FAM135A: variants seen among roughly 807,000 people sequenced by gnomAD.
The protein encoded by FAM135A is family with sequence similarity 135 member A, also known as protein FAM135A.
A neutral mutation model predicts 146.8 loss-of-function variants in FAM135A; 79 were observed. The observed-to-expected ratio is 0.54, with a 90% confidence interval of 0.45 to 0.65. FAM135A has a LOEUF of 0.65. FAM135A is among the 30% of genes least tolerant of loss of function. FAM135A has a pLI of 0.00. For missense variants in FAM135A, 1,623 were observed against 1,758.2 expected, an observed-to-expected ratio of 0.92 and a Z score of 1.38; for synonymous variants, 562 against 603.6, an observed-to-expected ratio of 0.93 and a Z score of 1.01.
intron 4 of FAM135A, among the ~76,000 whole-genome samples, chr6:70,450,719 T>G (rs1248861163): frequency 3.3e-3 from 150 of 45,760 alleles, no homozygotes; most frequent in African/African-American, 0.019. Flanking sequence ...TTTAGTTGTT[T>G]TTTTTTTTTT....
chr6:70,556,519 C>T lies in FAM135A; in HGVS notation c.4229-231C>T, dbSNP rs61525869. On this transcript the variant is annotated intron_variant, in intron 20 of 21. Transcript: ENST00000418814. ...CCACACCACTGAGCAACAGTGCCTG[C>T]TCCCAGTGCAAACACACATTCTTAT... Among the ~76,000 whole-genome samples, 22 of 152,312 alleles carry T rather than the reference C, an allele frequency of 1.4e-4. No individual in the cohort carries two copies. In the East Asian group the frequency reaches 4.1e-3, roughly 28 times the overall value.
chr6:70,428,269 C>G (rs537462719), intron 3 of FAM135A, 35 bp from the exon 4 acceptor site: 4 of 1,024,380 alleles, frequency 3.9e-6, no homozygotes, highest in Middle Eastern at 2.1e-4. Flanking sequence ...ATTTTTGTTA[C>G]GCTTCTCATG....
chr6:70,503,019 A>G (rs1788923493), intron 12 of FAM135A: 5 of 329,374 alleles, frequency 1.5e-5, no homozygotes, highest in Admixed American at 4.5e-5. Context: ...AAACCACCTA[A>G]AAGTAAGTAA....
intron 12 of FAM135A, among the ~76,000 whole-genome samples, chr6:70,520,449 A>G (rs552300522): frequency 9.8e-5 from 15 of 152,318 alleles, no homozygotes; most frequent in Non-Finnish European, 1.8e-4. Context: ...ATTGTAATAT[A>G]AATACTGTGT....
chr6:70,507,849 G>A (rs1186470294), intron 12 of FAM135A, among the ~76,000 whole-genome samples: 1 of 151,974 alleles, frequency 6.6e-6, no homozygotes, highest in African/African-American at 2.4e-5. Flanking sequence ...GATCAAGTGG[G>A]ACAGTTTACA....
intron 10 of FAM135A, 49 bp from the exon 11 acceptor site, chr6:70,490,985 A>T (rs1373592064): frequency 1.5e-6 from 2 of 1,344,920 alleles, no homozygotes; most frequent in Non-Finnish European, 2.0e-6. Context: ...ATTTATATAA[A>T]TTAAATATCT....
intron 20 of FAM135A, 105 bp from the exon 21 acceptor site, chr6:70,556,645 A>T: frequency 1.5e-6 from 1 of 663,574 alleles, no homozygotes; most frequent in Non-Finnish European, 2.4e-6. Context: ...TCAGAAACTT[A>T]GTACTGCTAA....
chr6:70,503,828 T>G (rs750295467), intron 12 of FAM135A: 9 of 152,356 alleles, frequency 5.9e-5, no homozygotes, highest in Non-Finnish European at 1.3e-4. Context: ...ACCTGTAGAT[T>G]GTTCATTATC....
At chr6:70,531,935 A>C (rs1010622503) in intron 16 of FAM135A, among the ~76,000 whole-genome samples, 1 of 127,732 alleles carries the variant, frequency 7.8e-6, no homozygotes, top group African/African-American at 3.0e-5. Flanking sequence ...TCACTCCGTC[A>C]GCAGTGGCAC....
chr6:70,477,130 A>G (rs899654268), intron 7 of FAM135A, 29 bp from the exon 8 acceptor site: 1 of 1,593,836 alleles, frequency 6.3e-7, no homozygotes, highest in African/African-American at 1.3e-5. Flanking sequence ...AATGTTTCAT[A>G]CTTACATGCT....
At chr6:70,476,062 T>C (rs1782583215) in intron 7 of FAM135A, among the ~76,000 whole-genome samples, 1 of 152,214 alleles carries the variant, frequency 6.6e-6, no homozygotes, top group African/African-American at 2.4e-5. Context: ...GGCTAATCTT[T>C]CTTGATGGCA....
intron 12 of FAM135A, among the ~76,000 whole-genome samples, chr6:70,520,692 C>T (rs1311472706): frequency 6.6e-6 from 1 of 151,930 alleles, no homozygotes; most frequent in African/African-American, 2.4e-5. Context: ...ATATATTCCC[C>T]ATATTTGAAA....
At chr6:70,556,270 A>T (rs1394927943) in intron 20 of FAM135A, among the ~76,000 whole-genome samples, 2 of 152,250 alleles carry the variant, frequency 1.3e-5, no homozygotes, top group African/African-American at 2.4e-5. Context: ...ATAATAATTT[A>T]AAAAAAGAAA....
chr6:70,497,451 G>A (rs1053744897), intron 11 of FAM135A, among the ~76,000 whole-genome samples: 2 of 152,138 alleles, frequency 1.3e-5, no homozygotes, highest in Non-Finnish European at 2.9e-5. Context: ...AACAGGGACA[G>A]TTTGACTTCC....
At chr6:70,460,209 CG>C (rs1279667351) in intron 5 of FAM135A, among the ~76,000 whole-genome samples, 2 of 152,160 alleles carry the variant, frequency 1.3e-5, no homozygotes, top group African/African-American at 4.8e-5. Context: ...ACCATTTCCT[CG>C]TTCCCTCTCC....
Position 70,532,748 on chromosome 6 carries a change from C to T in FAM135A, c.3776-412C>T, listed in dbSNP as rs138017134. ...GAGATCAAGACCATCCTAGCTAACACGGTGAAACCCCATCTCTACTAAAAA... is the reference window on the plus strand; with the variant it reads ...GAGATCAAGACCATCCTAGCTAACATGGTGAAACCCCATCTCTACTAAAAA... On this transcript the variant is annotated intron_variant, in intron 16 of 21. Coordinates refer to ENST00000418814, the MANE Select transcript of FAM135A (RefSeq NM_001162529.3). 2.1e-4 allele frequency among the ~76,000 whole-genome samples: 32 copies of T among 152,198 alleles called. No homozygotes were observed. In the East Asian group the frequency reaches 3.9e-3, roughly 18 times the overall value.
At chr6:70,536,056 A>G in intron 18 of FAM135A, 1 of 457,422 alleles carries the variant, frequency 2.2e-6, no homozygotes, top group Non-Finnish European at 3.8e-6. Context: ...AAACATTTAA[A>G]TTATGTAATA....
chr6:70,429,115 G>A (rs1770873123), intron 4 of FAM135A, among the ~76,000 whole-genome samples: 1 of 152,148 alleles, frequency 6.6e-6, no homozygotes, highest in South Asian at 2.1e-4. Context: ...GACTTGGATA[G>A]GCAAAGTATA....
In FAM135A at chr6:70,525,968, G is replaced by A. The variant is rs778279420; in HGVS notation, c.2884G>A (p.Gly962Arg). ...QSPDKSNNST[G>R]TAITLNSKLI... ...TCCTGATAAATCTAATAACTCTACA[G>A]GGACAGCAATTACATTAAATTCAAA... The change falls in exon 15 of 22, where the codon GGG (glycine) becomes AGG (arginine). Residue 962 changes from glycine to arginine, a missense_variant. Coordinates refer to ENST00000418814, the MANE Select transcript of FAM135A (RefSeq NM_001162529.3). The A allele has an allele frequency of 1.9e-6, 3 of 1,613,238 alleles. No individual in the cohort carries two copies. The highest frequency in any genetic ancestry group is 2.2e-5 in the South Asian group (2 of 91,004).
Sources: allele counts gnomAD v4.1 joint callset (sites outside exome capture counted in the v4.1 genomes callset), GRCh38; gene constraint gnomAD v4.1.1; transcripts MANE v1.5; gene names NCBI Gene and HGNC (gene_info 2026-07-23, HGNC 2026-07-21).